CFAP54: variants seen among roughly 807,000 people sequenced by gnomAD.
The protein encoded by CFAP54 is cilia and flagella associated protein 54.
Under a neutral mutation model 370.4 loss-of-function variants are expected in CFAP54, and 290 were observed. The ratio of observed to expected loss-of-function variants is 0.78; its 90% confidence interval spans 0.71 to 0.86. The LOEUF (loss-of-function observed/expected upper bound fraction) is 0.86, where lower values mean the gene tolerates loss of function less well. Ranked by LOEUF, CFAP54 falls within the 40% of genes least tolerant of loss-of-function variation. The probability of loss-of-function intolerance (pLI) is 0.00; values close to 1 mark genes in which losing one functional copy is unlikely to be tolerated. For missense variants in CFAP54, 3,399 were observed against 3,528.7 expected (o/e 0.96, Z 0.93); for synonymous variants, 1,206 against 1,236.5 (o/e 0.98, Z 0.52).
intron 4 of CFAP54, among the ~76,000 whole-genome samples, chr12:96,511,406 T>A (rs912735977): frequency 2.0e-5 from 3 of 152,138 alleles, no homozygotes; most frequent in Non-Finnish European, 4.4e-5. Context: ...GCAATCTCTG[T>A]CACCTGGGCT....
intron 33 of CFAP54, among the ~76,000 whole-genome samples, chr12:96,644,981 T>A (rs1217109227): frequency 6.6e-6 from 1 of 152,212 alleles, no homozygotes; most frequent in Non-Finnish European, 1.5e-5. Flanking sequence ...AGCTTGAATA[T>A]GTTTGTTGAT....
In CFAP54 at chr12:96,812,724, C is replaced by T. The variant is rs531629875; in HGVS notation, c.8957+882C>T. ...AACAGAGAATTAGTGTTTCTCTGTCCTTCCTTTGAGAGTCTTGTTTATGTT... is the reference window on the plus strand; with the variant it reads ...AACAGAGAATTAGTGTTTCTCTGTCTTTCCTTTGAGAGTCTTGTTTATGTT... On this transcript the variant is annotated intron_variant, in intron 64 of 67. Transcript: ENST00000524981. 7.2e-5 allele frequency among the ~76,000 whole-genome samples: 11 copies of T among 152,322 alleles called. No homozygotes were observed. The South Asian group carries it at 2.3e-3, about 32-fold the overall frequency.
intron 26 of CFAP54, among the ~76,000 whole-genome samples, chr12:96,601,211 T>C (rs532000420): frequency 2.6e-5 from 4 of 152,380 alleles, no homozygotes; most frequent in African/African-American, 9.6e-5. Flanking sequence ...TCTATTGAGA[T>C]AATCATGTGG....
At chr12:96,574,417 T>G (rs1180897550) in intron 19 of CFAP54, among the ~76,000 whole-genome samples, 1 of 152,218 alleles carries the variant, frequency 6.6e-6, no homozygotes, top group East Asian at 1.9e-4. Flanking sequence ...ATAGTGGCAT[T>G]CTTTCTGGCT....
intron 36 of CFAP54, among the ~76,000 whole-genome samples, chr12:96,656,308 C>G (rs542463739): frequency 2.0e-5 from 3 of 151,982 alleles, no homozygotes; most frequent in African/African-American, 7.3e-5. Context: ...TCTCCCCCCC[C>G]CTCCCCTTTT....
chr12:96,512,049 G>A (rs1955175103), intron 4 of CFAP54, among the ~76,000 whole-genome samples: 1 of 151,860 alleles, frequency 6.6e-6, no homozygotes, highest in African/African-American at 2.4e-5. Flanking sequence ...TGACACAAAA[G>A]CATGTGTCCT....
At chr12:96,682,726 CCTGAAAT>C (rs939625369) in intron 40 of CFAP54, among the ~76,000 whole-genome samples, 73 of 152,196 alleles carry the variant, frequency 4.8e-4, no homozygotes, top group African/African-American at 1.7e-3. Context: ...TGCATCTGGT[CCTGAAAT>C]CTTACTTTTA....
intron 26 of CFAP54, among the ~76,000 whole-genome samples, chr12:96,602,653 A>G (rs955151316): frequency 1.3e-5 from 2 of 152,216 alleles, no homozygotes; most frequent in African/African-American, 2.4e-5. Context: ...TATTGGGTGC[A>G]TATATATTTA....
At chr12:96,631,324 G>A (rs7305738) in intron 32 of CFAP54, among the ~76,000 whole-genome samples, 64,840 of 151,530 alleles carry the variant, frequency 0.43, 14,251 homozygotes, top group Admixed American at 0.51. Context: ...CTGTGTACCC[G>A]TGTTGGTATG....
chr12:96,809,887 G>A (rs2136724696), intron 63 of CFAP54, among the ~76,000 whole-genome samples: 1 of 152,274 alleles, frequency 6.6e-6, no homozygotes, highest in East Asian at 1.9e-4. Context: ...AGAAGGGGCT[G>A]TTGTGGGGTA....
chr12:96,491,952 G>A (rs1954889598), intron 1 of CFAP54, among the ~76,000 whole-genome samples: 3 of 152,126 alleles, frequency 2.0e-5, no homozygotes, highest in Admixed American at 2.0e-4. Context: ...TAGAGATGGG[G>A]TTTCGCCATG....
intron 63 of CFAP54, among the ~76,000 whole-genome samples, chr12:96,805,829 G>A (rs537438725): frequency 6.6e-6 from 1 of 151,968 alleles, no homozygotes; most frequent in Non-Finnish European, 1.5e-5. Flanking sequence ...GCAAATATAT[G>A]GAATTAACCT....
chr12:96,594,173 A>C, intron 24 of CFAP54, 118 bp from the exon 25 acceptor site: 1 of 656,524 alleles, frequency 1.5e-6, no homozygotes, highest in Non-Finnish European at 2.3e-6. Flanking sequence ...ATTTTTTAAA[A>C]TACAAACACT....
intron 65 of CFAP54, among the ~76,000 whole-genome samples, chr12:96,820,594 T>C (rs988448903): frequency 6.6e-6 from 1 of 152,196 alleles, no homozygotes; most frequent in Non-Finnish European, 1.5e-5. Flanking sequence ...AGAATTTTGG[T>C]TGAACATCCT....
intron 32 of CFAP54, among the ~76,000 whole-genome samples, chr12:96,639,975 C>T (rs1407136759): frequency 1.3e-5 from 2 of 152,124 alleles, no homozygotes; most frequent in Non-Finnish European, 2.9e-5. Flanking sequence ...CAATATCATA[C>T]TGAATGGGCA....
At chr12:96,564,851 G>A (rs1955850704) in intron 19 of CFAP54, 86 bp downstream of exon 19, 1 of 503,280 alleles carries the variant, frequency 2.0e-6, no homozygotes, top group Admixed American at 3.8e-5. Flanking sequence ...AAAATAATGT[G>A]TTGCCCTTAA....
rs369796548 is a variant in CFAP54, at chr12:96,847,331, G to A, written c.9172-13488G>A. ...CCCTCCCTCCCAGCACTCTCCTGGT[G>A]AGCTCCCCTCCCTCCCTGTGCTCTA... On this transcript the variant is annotated intron_variant, in intron 66 of 67. Transcript: ENST00000524981. Among the ~76,000 whole-genome samples, 11 of 151,954 alleles carry A rather than the reference G, an allele frequency of 7.2e-5. No individual in the cohort carries two copies. The East Asian group carries it at 1.2e-3, about 16-fold the overall frequency.
rs757576337 is a variant in CFAP54 at position 96,756,519 on chromosome 12, A to G, written c.7902A>G (p.Leu2634=). The change falls in exon 57 of 68, where the codon TTA becomes TTG. Residue 2634 remains leucine (L), a synonymous_variant. Coordinates refer to ENST00000524981, the MANE Select transcript of CFAP54 (RefSeq NM_001306084.2). ...EKSPSFQLES[L]YEAIQLSLKN... ...CTCCAAGTTTTCAACTTGAGAGTTT[A>G]TATGAAGCTATACAACTAAGCCTGA... is the stretch of plus-strand genomic sequence containing the variant. The G allele has an allele frequency of 1.5e-5, 24 of 1,606,422 alleles. 1 individual carries two copies. In the South Asian group the frequency reaches 2.7e-4, roughly 18 times the overall value.
intron 39 of CFAP54, among the ~76,000 whole-genome samples, chr12:96,676,407 G>A (rs1363284332): frequency 6.6e-6 from 1 of 152,070 alleles, no homozygotes; most frequent in Non-Finnish European, 1.5e-5. Flanking sequence ...GCTGTTATGG[G>A]CTGAATATTT....
Sources: gnomAD v4.1 joint callset for allele counts (sites outside exome capture counted in the v4.1 genomes callset) on GRCh38, gnomAD v4.1.1 for gene constraint, MANE v1.5 for transcripts, NCBI Gene and HGNC (gene_info 2026-07-23, HGNC 2026-07-21) for gene names.